The following PITPNC1 variants were observed in gnomAD, a reference collection of about 807,000 sequenced individuals.
The protein encoded by PITPNC1 is cytoplasmic phosphatidylinositol transfer protein 1.
A neutral mutation model predicts 44.7 loss-of-function variants in PITPNC1; 18 were observed. The ratio of observed to expected loss-of-function variants is 0.40; its 90% CI spans 0.28 to 0.60. PITPNC1 has a LOEUF of 0.60. PITPNC1 is among the 20% of genes least tolerant of loss of function. The pLI, the probability that PITPNC1 is intolerant of heterozygous loss-of-function variation, is 0.39. For missense variants in PITPNC1, 290 were observed against 418.4 expected (o/e 0.69, Z 2.68); for synonymous variants, 141 against 149.6 (o/e 0.94, Z 0.42).
rs563694496 is a variant in PITPNC1 at position 67,593,501 on chromosome 17, C to T, written c.366+15244C>T. On this transcript the variant is annotated intron_variant, in intron 5 of 8. Coordinates refer to ENST00000581322, the MANE Select transcript of PITPNC1 (RefSeq NM_012417.4). ...TGAACCTCTGCCTCCAGGGTTCAAG[C>T]GACTCTCCTGCCTCAGCCTCCCAAG... 5.4e-3 allele frequency among the ~76,000 whole-genome samples: 826 copies of T among 151,930 alleles called. 7 individuals carry two copies. The highest frequency in any genetic ancestry group is 8.5e-3 in the Non-Finnish European group (578 of 67,948).
intron 4 of PITPNC1, among the ~76,000 whole-genome samples, chr17:67,573,344 T>C (rs1399937637): frequency 6.6e-6 from 1 of 151,978 alleles, no homozygotes; most frequent in Admixed American, 6.5e-5. Context: ...AGGCTGTAGG[T>C]AGGGTAGGAC....
At chr17:67,618,579 C>G (rs561572681) in intron 5 of PITPNC1, among the ~76,000 whole-genome samples, 1 of 151,106 alleles carries the variant, frequency 6.6e-6, no homozygotes, top group African/African-American at 2.4e-5. Context: ...GGTGAAACCC[C>G]GGCTCTACTA....
chr17:67,628,586 G>C (rs1335089271), intron 5 of PITPNC1, among the ~76,000 whole-genome samples: 2 of 152,200 alleles, frequency 1.3e-5, no homozygotes, highest in African/African-American at 4.8e-5. Context: ...GGATGGTGGG[G>C]AAGTTCACGA....
In PITPNC1 at chr17:67,696,383, T is replaced by C. The variant is rs777472525; in HGVS notation, c.*3495T>C. 4.6e-5 allele frequency: 7 copies of C among 152,218 alleles called. No individual in the cohort carries two copies. Among genetic ancestry groups the C allele is most frequent in the Non-Finnish European group, 1.0e-4 (7 of 68,040 alleles). 9.4% of individuals were successfully genotyped at this position (152,218 alleles called of 1,614,324 possible). A position where few individuals can be genotyped will look rare whatever the true frequency, so the allele number is the denominator to read the frequency against. ...TCTTCATGGCTCAGCGACAACAAAG[T>C]AATAGGTCATTGGCTGGCTTACGTC... On this transcript the variant is annotated 3_prime_UTR_variant, in exon 9 of 9. Transcript: ENST00000581322.
At chr17:67,585,263 C>G (rs530610467) in intron 5 of PITPNC1, among the ~76,000 whole-genome samples, 1 of 152,158 alleles carries the variant, frequency 6.6e-6, no homozygotes, top group Non-Finnish European at 1.5e-5. Flanking sequence ...GGAGCTCAGC[C>G]TGAGGCCATG....
intron 1 of PITPNC1, among the ~76,000 whole-genome samples, chr17:67,388,829 A>G (rs1461925494): frequency 2.0e-5 from 3 of 152,202 alleles, no homozygotes; most frequent in African/African-American, 4.8e-5. Flanking sequence ...CATGTAGGCC[A>G]GGCTGGTCTC....
chr17:67,494,330 C>A (rs1293097202), intron 1 of PITPNC1, among the ~76,000 whole-genome samples: 2 of 151,542 alleles, frequency 1.3e-5, no homozygotes, highest in Non-Finnish European at 2.9e-5. Context: ...CTCCCGAGTA[C>A]CTGTGATTCC....
intron 1 of PITPNC1, among the ~76,000 whole-genome samples, chr17:67,478,257 G>T (rs1358455367): frequency 6.6e-6 from 1 of 152,160 alleles, no homozygotes; most frequent in African/African-American, 2.4e-5. Context: ...TCCTATCTGG[G>T]CAGCACTCTT....
At chr17:67,415,510 C>T (rs972849433) in intron 1 of PITPNC1, among the ~76,000 whole-genome samples, 6 of 152,214 alleles carry the variant, frequency 3.9e-5, no homozygotes, top group African/African-American at 1.2e-4. Context: ...ATCCTCTGCC[C>T]TTCCCTTGTG....
intron 1 of PITPNC1, among the ~76,000 whole-genome samples, chr17:67,530,964 TG>T (rs1427591329): frequency 6.6e-6 from 1 of 152,214 alleles, no homozygotes; most frequent in Non-Finnish European, 1.5e-5. Context: ...GATTTCAGGC[TG>T]GGCACTGTGG....
intron 1 of PITPNC1, among the ~76,000 whole-genome samples, chr17:67,525,807 A>G (rs181372961): frequency 6.6e-6 from 1 of 152,246 alleles, no homozygotes; most frequent in East Asian, 1.9e-4. Flanking sequence ...AATGCAGGAA[A>G]CTCCCAAGAA....
chr17:67,500,189 C>T (rs988490782), intron 1 of PITPNC1, among the ~76,000 whole-genome samples: 10 of 152,264 alleles, frequency 6.6e-5, no homozygotes, highest in Middle Eastern at 3.4e-3. Flanking sequence ...TGTCAGTTTT[C>T]GGCAATATTC....
chr17:67,438,646 G>A (rs568956253), intron 1 of PITPNC1, among the ~76,000 whole-genome samples: 1 of 152,338 alleles, frequency 6.6e-6, no homozygotes, highest in East Asian at 1.9e-4. Flanking sequence ...TGCACAGAAT[G>A]TGTGAATTTT....
intron 6 of PITPNC1, among the ~76,000 whole-genome samples, chr17:67,659,712 C>T (rs1303665796): frequency 6.6e-6 from 1 of 152,044 alleles, no homozygotes; most frequent in Non-Finnish European, 1.5e-5. Flanking sequence ...TATTGGTCTT[C>T]TCTTTTCTTT....
intron 1 of PITPNC1, among the ~76,000 whole-genome samples, chr17:67,498,992 C>G (rs1368324018): frequency 6.6e-6 from 1 of 151,840 alleles, no homozygotes; most frequent in Non-Finnish European, 1.5e-5. Context: ...TTGCCTCAGC[C>G]TCCAGAGTAG....
intron 5 of PITPNC1, among the ~76,000 whole-genome samples, chr17:67,594,101 T>C (rs1269018754): frequency 6.6e-6 from 1 of 152,154 alleles, no homozygotes; most frequent in African/African-American, 2.4e-5. Flanking sequence ...TTAGTAGGAT[T>C]CTGTACTAGA....
At chr17:67,639,667 A>G (rs1247288266) in intron 6 of PITPNC1, among the ~76,000 whole-genome samples, 1 of 152,222 alleles carries the variant, frequency 6.6e-6, no homozygotes, top group Non-Finnish European at 1.5e-5. Flanking sequence ...TCCCTGGGTC[A>G]TAGCCTTCCT....
intron 5 of PITPNC1, among the ~76,000 whole-genome samples, chr17:67,626,443 C>T (rs900236609): frequency 6.6e-6 from 1 of 152,124 alleles, no homozygotes; most frequent in African/African-American, 2.4e-5. Context: ...TATCTCAGCT[C>T]ACTGCAGCCT....
intron 1 of PITPNC1, among the ~76,000 whole-genome samples, chr17:67,388,962 C>G (rs1231913925): frequency 6.6e-6 from 1 of 152,228 alleles, no homozygotes; most frequent in African/African-American, 2.4e-5. Context: ...CTTACAATAA[C>G]ACCCATTTAT....
Sources: gnomAD v4.1 joint callset for allele counts (sites outside exome capture counted in the v4.1 genomes callset) on GRCh38, gnomAD v4.1.1 for gene constraint, MANE v1.5 for transcripts, NCBI Gene and HGNC (gene_info 2026-07-23, HGNC 2026-07-21) for gene names.